The following THSD7B variants were observed in gnomAD, a reference collection of about 807,000 sequenced individuals.
THSD7B encodes the protein thrombospondin type 1 domain containing 7B.
Under a neutral mutation model 213.6 loss-of-function variants are expected in THSD7B, and 138 were observed. The observed-to-expected ratio is 0.65, with a 90% CI of 0.56 to 0.74. THSD7B has a LOEUF of 0.74. THSD7B is among the 30% of genes least tolerant of loss of function. The probability of loss-of-function intolerance (pLI) is 0.00; values close to 1 mark genes in which losing one functional copy is unlikely to be tolerated. For missense variants in THSD7B, 1,931 were observed against 1,991.5 expected (o/e 0.97, Z 0.58); for synonymous variants, 742 against 687.0 (o/e 1.08, Z -1.25).
At chr2:137,320,170 T>C (rs1043363071) in intron 12 of THSD7B, among the ~76,000 whole-genome samples, 2 of 152,236 alleles carry the variant, frequency 1.3e-5, no homozygotes, top group Non-Finnish European at 2.9e-5. Flanking sequence ...TCTAGTTAAC[T>C]GATTAGACTT....
chr2:137,333,798 G>C (rs1335975950), intron 12 of THSD7B, among the ~76,000 whole-genome samples: 2 of 152,070 alleles, frequency 1.3e-5, no homozygotes. Context: ...GTCTCCTCTA[G>C]TTACATCATC....
At chr2:137,433,049 A>G (rs1687218535) in intron 14 of THSD7B, among the ~76,000 whole-genome samples, 1 of 152,194 alleles carries the variant, frequency 6.6e-6, no homozygotes, top group Non-Finnish European at 1.5e-5. Context: ...TATAGTATTA[A>G]ACAAGACAGA....
chr2:136,798,170 T>C (rs1682107622), intron 1 of THSD7B, among the ~76,000 whole-genome samples: 2 of 151,956 alleles, frequency 1.3e-5, no homozygotes, highest in South Asian at 4.2e-4. Flanking sequence ...ATTCTTTCAG[T>C]TTGATTATTT....
At chr2:136,984,060 A>T (rs1313833623) in intron 2 of THSD7B, among the ~76,000 whole-genome samples, 2 of 152,208 alleles carry the variant, frequency 1.3e-5, no homozygotes, top group Non-Finnish European at 2.9e-5. Context: ...GTAAGATTTT[A>T]AAAAAAGAGA....
intron 14 of THSD7B, among the ~76,000 whole-genome samples, chr2:137,437,385 A>T (rs1687317477): frequency 6.6e-6 from 1 of 152,192 alleles, no homozygotes; most frequent in Admixed American, 6.5e-5. Context: ...CTCCAAGTTC[A>T]TGTCTAAGGG....
chr2:136,937,420 G>A (rs1251911344), intron 2 of THSD7B, among the ~76,000 whole-genome samples: 1 of 151,990 alleles, frequency 6.6e-6, no homozygotes, highest in African/African-American at 2.4e-5. Context: ...ATCTCGAGGT[G>A]AACTGATGTG....
chr2:137,129,445 CT>C (rs527696418), intron 5 of THSD7B, among the ~76,000 whole-genome samples: 186 of 145,108 alleles, frequency 1.3e-3, no homozygotes, highest in Middle Eastern at 3.6e-3. Context: ...TCTGTAATTA[CT>C]TTTTTTTTTT....
At chr2:137,422,327 G>A (rs1377566383) in intron 14 of THSD7B, among the ~76,000 whole-genome samples, 2 of 152,144 alleles carry the variant, frequency 1.3e-5, no homozygotes. Context: ...TGTTTTTGCA[G>A]GGTATTGGGC....
intron 12 of THSD7B, among the ~76,000 whole-genome samples, chr2:137,373,458 G>A (rs1369704619): frequency 1.3e-5 from 2 of 152,202 alleles, no homozygotes; most frequent in Non-Finnish European, 2.9e-5. Flanking sequence ...GTGATGGTGA[G>A]CATTTTTTCA....
At position 137,635,312 on chromosome 2, in the gene THSD7B, A is replaced by G. The variant is rs111597729; in HGVS notation, c.3800-7176A>G. 7.2e-3 allele frequency among the ~76,000 whole-genome samples: 1,099 copies of G among 152,290 alleles called. 10 individuals are homozygous for G. Among genetic ancestry groups the G allele is most frequent in the African/African-American group, 0.025 (1,026 of 41,552 alleles). Reference sequence around the variant, plus strand: ...TATTTATGATTGAATTTAGTTCCCAATTGATACCTATTGTCATGTCTCATG... The same window carrying G: ...TATTTATGATTGAATTTAGTTCCCAGTTGATACCTATTGTCATGTCTCATG... On this transcript the variant is annotated intron_variant, in intron 20 of 27. Coordinates refer to ENST00000409968, the MANE Select transcript of THSD7B (RefSeq NM_001316349.2).
At chr2:136,823,657 T>G (rs1340671252) in intron 1 of THSD7B, among the ~76,000 whole-genome samples, 2 of 152,208 alleles carry the variant, frequency 1.3e-5, no homozygotes, top group East Asian at 3.8e-4. Flanking sequence ...TTAGCCAATT[T>G]ATTACTTGGG....
intron 17 of THSD7B, among the ~76,000 whole-genome samples, chr2:137,611,215 A>G (rs943310001): frequency 7.9e-5 from 12 of 151,798 alleles, no homozygotes; most frequent in African/African-American, 2.7e-4. Context: ...TGTGTTTTAT[A>G]TCACAAAAAA....
At chr2:137,039,317 G>T (rs532671866) in intron 2 of THSD7B, among the ~76,000 whole-genome samples, 63 of 152,138 alleles carry the variant, frequency 4.1e-4, no homozygotes, top group Admixed American at 6.5e-4. Flanking sequence ...AGGATTAAAC[G>T]ATATATTAAT....
At chr2:137,246,492 G>C (rs888302336) in intron 10 of THSD7B, among the ~76,000 whole-genome samples, 2 of 152,164 alleles carry the variant, frequency 1.3e-5, no homozygotes, top group African/African-American at 4.8e-5. Context: ...TTGTGACATA[G>C]CAATGGATGA....
intron 14 of THSD7B, among the ~76,000 whole-genome samples, chr2:137,446,391 T>C (rs1464664909): frequency 1.3e-5 from 2 of 152,086 alleles, no homozygotes; most frequent in Non-Finnish European, 2.9e-5. Context: ...ATTAGAAATA[T>C]AGACTGAAAA....
chr2:136,946,967 C>T lies in THSD7B; in HGVS notation c.139+64650C>T, dbSNP rs112420157. Among the ~76,000 whole-genome samples the T allele has an allele frequency of 8.7e-3, 1,330 of 152,328 alleles. 28 individuals carry two copies. Among genetic ancestry groups the T allele is most frequent in the African/African-American group, 0.031 (1,284 of 41,574 alleles). ...GGTGAGGTGATGCCCTGCCCCGCTTCGGCTCACCCTCCATGGGCTGCACCC... is the reference window on the plus strand; with the variant it reads ...GGTGAGGTGATGCCCTGCCCCGCTTTGGCTCACCCTCCATGGGCTGCACCC... On this transcript the variant is annotated intron_variant, in intron 2 of 27. Transcript: ENST00000409968.
At chr2:137,226,448 T>C (rs1681506658) in intron 7 of THSD7B, among the ~76,000 whole-genome samples, 1 of 151,934 alleles carries the variant, frequency 6.6e-6, no homozygotes, top group Admixed American at 6.6e-5. Flanking sequence ...TAGACTATGC[T>C]GTTTGTTTAT....
At chr2:136,788,380 A>G (rs1681907386) in intron 1 of THSD7B, among the ~76,000 whole-genome samples, 1 of 152,136 alleles carries the variant, frequency 6.6e-6, no homozygotes, top group Non-Finnish European at 1.5e-5. Context: ...TTAAGTTATT[A>G]TTTTTTCCAG....
intron 1 of THSD7B, among the ~76,000 whole-genome samples, chr2:136,807,279 T>C (rs1678266974): frequency 6.6e-6 from 1 of 152,180 alleles, no homozygotes; most frequent in African/African-American, 2.4e-5. Flanking sequence ...CAGGAGATAT[T>C]TTCTTCCCTT....
Sources: allele counts gnomAD v4.1 joint callset (sites outside exome capture counted in the v4.1 genomes callset), GRCh38; gene constraint gnomAD v4.1.1; transcripts MANE v1.5; gene names NCBI Gene and HGNC (gene_info 2026-07-23, HGNC 2026-07-21).